SCGN: variants seen among roughly 807,000 people sequenced by gnomAD.
SCGN encodes the protein secretagogin.
A neutral mutation model predicts 39.7 loss-of-function variants in SCGN; 30 were observed. The ratio of observed to expected loss-of-function variants is 0.76; its 90% CI spans 0.57 to 1.03. The LOEUF is 1.03. Among genes scored for constraint, SCGN ranks in the 50% least tolerant of loss-of-function variants. SCGN has a pLI of 0.00. For missense variants in SCGN, 353 were observed against 349.4 expected, an observed-to-expected ratio of 1.01 and a Z score of -0.08; for synonymous variants, 106 against 114.1, an observed-to-expected ratio of 0.93 and a Z score of 0.45.
intron 6 of SCGN, among the ~76,000 whole-genome samples, chr6:25,672,982 T>C (rs1759519847): frequency 2.0e-5 from 3 of 152,190 alleles, no homozygotes; most frequent in Admixed American, 2.0e-4. Flanking sequence ...CTGTGACTCC[T>C]CAAGGGTGAG....
At chr6:25,684,767 G>A (rs375645621) in intron 7 of SCGN, among the ~76,000 whole-genome samples, 12 of 152,132 alleles carry the variant, frequency 7.9e-5, no homozygotes, top group Admixed American at 1.3e-4. Flanking sequence ...CCAAGATTGC[G>A]TCACAGTACT....
intron 6 of SCGN, among the ~76,000 whole-genome samples, chr6:25,676,822 T>A (rs934335484): frequency 1.3e-5 from 2 of 152,208 alleles, no homozygotes; most frequent in Admixed American, 1.3e-4. Context: ...AGAGCATGAA[T>A]CTTTGTTTGT....
At chr6:25,653,082 T>C (rs1760161799) in intron 1 of SCGN, among the ~76,000 whole-genome samples, 1 of 152,196 alleles carries the variant, frequency 6.6e-6, no homozygotes, top group Non-Finnish European at 1.5e-5. Flanking sequence ...CTTCAGAAAT[T>C]TTGGGGTTAA....
At chr6:25,698,438 G>A (rs1225064794) in intron 10 of SCGN, among the ~76,000 whole-genome samples, 2 of 152,232 alleles carry the variant, frequency 1.3e-5, no homozygotes, top group Non-Finnish European at 2.9e-5. Flanking sequence ...ACACTAATGT[G>A]TAAATGACTA....
intron 4 of SCGN, among the ~76,000 whole-genome samples, chr6:25,668,417 T>C (rs1224135635): frequency 2.6e-5 from 4 of 152,226 alleles, no homozygotes; most frequent in Admixed American, 1.3e-4. Context: ...GCTGGATGAA[T>C]GCTGGCCTCA....
intron 2 of SCGN, among the ~76,000 whole-genome samples, chr6:25,659,294 AT>A (rs2151377206): frequency 6.6e-6 from 1 of 152,322 alleles, no homozygotes; most frequent in South Asian, 2.1e-4. Context: ...CTGTCCTTGC[AT>A]TTTGTTTGAA....
At chr6:25,692,868 A>G (rs968714182) in intron 10 of SCGN, among the ~76,000 whole-genome samples, 15 of 152,210 alleles carry the variant, frequency 9.9e-5, no homozygotes, top group Admixed American at 9.8e-4. Flanking sequence ...CTTTTCCCTC[A>G]CTATGAAAAG....
At chr6:25,671,584 T>C (rs1303861203) in intron 6 of SCGN, among the ~76,000 whole-genome samples, 1 of 152,204 alleles carries the variant, frequency 6.6e-6, no homozygotes, top group Non-Finnish European at 1.5e-5. Flanking sequence ...GTTGATTTGT[T>C]TTAATAGCAT....
chr6:25,676,438 A>T (rs1397091162), intron 6 of SCGN, among the ~76,000 whole-genome samples: 1 of 152,186 alleles, frequency 6.6e-6, no homozygotes, highest in Non-Finnish European at 1.5e-5. Flanking sequence ...TCTCCTCCCC[A>T]GTCCTAGTCT....
intron 4 of SCGN, among the ~76,000 whole-genome samples, chr6:25,666,782 A>T (rs7741329): frequency 0.19 from 29,479 of 152,140 alleles, 3,176 homozygotes; most frequent in East Asian, 0.43. Context: ...AAATATAGGT[A>T]AGAATACACA....
intron 10 of SCGN, 31 bp downstream of exon 10, chr6:25,691,155 G>C (rs955931726): frequency 2.0e-6 from 3 of 1,519,472 alleles, no homozygotes; most frequent in Non-Finnish European, 2.7e-6. Flanking sequence ...TTATGAAGTG[G>C]GGTTGTTGTT....
intron 2 of SCGN, among the ~76,000 whole-genome samples, chr6:25,660,818 T>C (rs556646598): frequency 1.3e-5 from 2 of 152,308 alleles, no homozygotes; most frequent in Admixed American, 6.5e-5. Context: ...GACAGCATGA[T>C]AGTATTAGGG....
intron 10 of SCGN, among the ~76,000 whole-genome samples, chr6:25,693,927 A>G (rs757588455): frequency 6.6e-6 from 1 of 152,212 alleles, no homozygotes; most frequent in Non-Finnish European, 1.5e-5. Flanking sequence ...CTCATCTGGA[A>G]GATGGAAATT....
intron 3 of SCGN, 93 bp from the exon 4 acceptor site, chr6:25,664,850 C>T: frequency 3.4e-6 from 3 of 884,504 alleles, no homozygotes; most frequent in Non-Finnish European, 5.5e-6. Context: ...CCCTTCTGCC[C>T]TGGAATATGC....
chr6:25,670,046 G>C lies in SCGN; in HGVS notation c.441G>C (p.Glu147Asp). The C allele has an allele frequency of 6.2e-7, 1 of 1,613,550 alleles. No individual in the cohort carries two copies. The highest frequency in any genetic ancestry group is 8.5e-7 in the Non-Finnish European group (1 of 1,179,658). The change falls in exon 6 of 11, where the codon GAG becomes GAC. Residue 147 changes from glutamate to aspartate, a missense_variant. Physicochemically the swap from Glu to Asp is conservative, Grantham distance 45 (BLOSUM62 2). Transcript: ENST00000377961. ...TTCACCACAAAAAGGCCATTTCTGAGGCTAAACTGGAAGAATACACTGGCA... is the reference window on the plus strand; with the variant it reads ...TTCACCACAAAAAGGCCATTTCTGACGCTAAACTGGAAGAATACACTGGCA... ...LFLHHKKAIS[E>D]AKLEEYTGTM...
At chr6:25,685,660 A>C (rs1314413109) in intron 7 of SCGN, among the ~76,000 whole-genome samples, 1 of 152,082 alleles carries the variant, frequency 6.6e-6, no homozygotes, top group East Asian at 1.9e-4. Flanking sequence ...GTATAATTAT[A>C]ATTATAATTA....
chr6:25,653,618 T>A (rs1166624705), intron 2 of SCGN, among the ~76,000 whole-genome samples, 166 bp downstream of exon 2: 2 of 152,220 alleles, frequency 1.3e-5, no homozygotes, highest in African/African-American at 4.8e-5. Flanking sequence ...AGGCAGTTTT[T>A]ATAAAAGGTG....
In SCGN at chr6:25,669,710, T is replaced by C. The variant is rs900878840; in HGVS notation, c.393+143T>C. 33 of 682,672 alleles carry C rather than the reference T, an allele frequency of 4.8e-5. No individual in the cohort carries two copies. In the African/African-American group the frequency reaches 5.3e-4, roughly 11 times the overall value. 42.3% of individuals were successfully genotyped at this position (682,672 alleles called of 1,614,324 possible). A position where few individuals can be genotyped will look rare whatever the true frequency, so the allele number is the denominator to read the frequency against. On this transcript the variant is annotated intron_variant, in intron 5 of 10. Coordinates refer to ENST00000377961, the MANE Select transcript of SCGN (RefSeq NM_006998.4). ...ATACATACATATGTACATATATGTA[T>C]ATATTTTCATTTTTAAAAGGTTTAG... is the stretch of plus-strand genomic sequence containing the variant.
At position 25,661,619 on chromosome 6, in the gene SCGN, A is replaced by C. The variant is rs1760339196; in HGVS notation, c.221A>C (p.Lys74Thr). The C allele has an allele frequency of 2.5e-6, 4 of 1,613,436 alleles. No individual in the cohort carries two copies. The highest frequency in any genetic ancestry group is 3.4e-6 in the Non-Finnish European group (4 of 1,179,446). The change falls in exon 3 of 11, where the codon AAA becomes ACA. Residue 74 changes from lysine (K) to threonine (T), a missense_variant. Physicochemically the swap from Lys to Thr is moderately conservative, Grantham distance 78. Coordinates refer to ENST00000377961, the MANE Select transcript of SCGN (RefSeq NM_006998.4). ...TTTATGACTACCCAAGATGCCTCTA[A>C]AGATGGTCGCATTCGGATGAAAGAG... Reference protein sequence around the residue: ...QQFMTTQDASKDGRIRMKELA... With the variant: ...QQFMTTQDASTDGRIRMKELA...
Sources: gnomAD v4.1 joint callset for allele counts (sites outside exome capture counted in the v4.1 genomes callset) on GRCh38, gnomAD v4.1.1 for gene constraint, MANE v1.5 for transcripts, NCBI Gene and HGNC (gene_info 2026-07-23, HGNC 2026-07-21) for gene names.